TTLL5: variants seen among roughly 807,000 people sequenced by gnomAD.
The protein encoded by TTLL5 is tubulin tyrosine ligase like 5.
TTLL5 carries 132 observed loss-of-function variants against 168.4 expected under a neutral mutation model. The ratio of observed to expected loss-of-function variants is 0.78; its 90% confidence interval spans 0.68 to 0.91. The LOEUF (loss-of-function observed/expected upper bound fraction) is 0.91, where lower values mean the gene tolerates loss of function less well. TTLL5 is among the 40% of genes least tolerant of loss of function. The pLI is 0.00. For missense variants in TTLL5, 1,545 were observed against 1,581.5 expected (o/e 0.98, Z 0.39); for synonymous variants, 546 against 558.6 (o/e 0.98, Z 0.32).
chr14:75,745,587 G>T lies in TTLL5; in HGVS notation c.1487+6G>T. 1 of 1,611,838 alleles carries T rather than the reference G, an allele frequency of 6.2e-7. No homozygotes were observed. The highest frequency in any genetic ancestry group is 8.5e-7 in the Non-Finnish European group (1 of 1,178,954). ...GAGACATGGGAAATATATGGGTGAG[G>T]TGACTACCTTTTTTTTTTATTCTTT... On this transcript the variant is annotated splice_donor_region_variant and intron_variant, in intron 17 of 31. Transcript: ENST00000298832.
intron 31 of TTLL5, among the ~76,000 whole-genome samples, chr14:75,951,765 A>G (rs574499376): frequency 6.6e-6 from 1 of 152,342 alleles, no homozygotes; most frequent in Admixed American, 6.5e-5. Flanking sequence ...CCCTGTCTCA[A>G]AAAACCATAG....
At chr14:75,913,156 A>G (rs1424132007) in intron 31 of TTLL5, among the ~76,000 whole-genome samples, 1 of 152,208 alleles carries the variant, frequency 6.6e-6, no homozygotes, top group Non-Finnish European at 1.5e-5. Flanking sequence ...CAGAGGTAAC[A>G]TCTTCTGAAA....
chr14:75,831,315 G>A (rs945467630), intron 28 of TTLL5, among the ~76,000 whole-genome samples: 1 of 152,198 alleles, frequency 6.6e-6, no homozygotes, highest in Non-Finnish European at 1.5e-5. Context: ...GGTCCTGGAA[G>A]GGGAATATTC....
chr14:75,844,146 G>T (rs1285026280), intron 28 of TTLL5, among the ~76,000 whole-genome samples: 1 of 152,088 alleles, frequency 6.6e-6, no homozygotes, highest in Non-Finnish European at 1.5e-5. Context: ...CTCCCAAAGT[G>T]CTGGGATTAC....
At chr14:75,921,756 C>A (rs1445539323) in intron 31 of TTLL5, among the ~76,000 whole-genome samples, 1 of 152,226 alleles carries the variant, frequency 6.6e-6, no homozygotes, top group African/African-American at 2.4e-5. Context: ...TTTTCCAATT[C>A]TGTGAAGAAA....
intron 22 of TTLL5, 122 bp from the exon 23 acceptor site, chr14:75,776,625 T>C: frequency 1.7e-6 from 1 of 576,844 alleles, no homozygotes; most frequent in Non-Finnish European, 2.9e-6. Context: ...CATACAAGAA[T>C]TAAATGTCTT....
At chr14:75,723,185 G>A (rs1275443048) in intron 12 of TTLL5, among the ~76,000 whole-genome samples, 1 of 152,050 alleles carries the variant, frequency 6.6e-6, no homozygotes, top group African/African-American at 2.4e-5. Context: ...GAACTCCTGG[G>A]CCCAAAGGAT....
intron 14 of TTLL5, 43 bp from the exon 15 acceptor site, chr14:75,735,152 C>T (rs1888801915): frequency 5.6e-6 from 9 of 1,593,134 alleles, no homozygotes; most frequent in Non-Finnish European, 6.9e-6. Flanking sequence ...CTGCTAATTT[C>T]TTAGAAAATG....
rs530653892 is a variant in TTLL5, at chr14:75,683,618, C to T, written c.333C>T (p.Arg111=). ...TGSHLKPFLL[R]TLSEAQKVNH... is the part of the protein sequence containing the mutation. The stretch of plus-strand genomic sequence containing the variant: ...CCCACCTGAAGCCCTTCTTACTGCG[C>T]ACCCTCTCTGAAGCACAAAAAGTTA... The change falls in exon 5 of 32, where the codon CGC becomes CGT. Residue 111 remains arginine (R), a synonymous_variant. Transcript: ENST00000298832. The T allele has an allele frequency of 6.8e-6, 11 of 1,614,060 alleles. No homozygotes were observed. The East Asian group carries it at 1.3e-4, about 20-fold the overall frequency.
chr14:75,855,871 C>T (rs1358819776), intron 28 of TTLL5, among the ~76,000 whole-genome samples: 1 of 152,156 alleles, frequency 6.6e-6, no homozygotes. Context: ...ATATCATTCA[C>T]AATATCCAGG....
chr14:75,748,659 G>A (rs1304454971), intron 17 of TTLL5, among the ~76,000 whole-genome samples: 1 of 152,174 alleles, frequency 6.6e-6, no homozygotes, highest in African/African-American at 2.4e-5. Context: ...AGCTTTAAAA[G>A]GTAATGCTTT....
chr14:75,695,649 A>G (rs1885784286), intron 6 of TTLL5, among the ~76,000 whole-genome samples: 1 of 152,138 alleles, frequency 6.6e-6, no homozygotes. Context: ...TTTATTTCTC[A>G]GACCGGCCAA....
At chr14:75,725,464 C>T (rs1163563465) in intron 12 of TTLL5, among the ~76,000 whole-genome samples, 1 of 152,162 alleles carries the variant, frequency 6.6e-6, no homozygotes, top group Non-Finnish European at 1.5e-5. Flanking sequence ...AATTTGGTTT[C>T]ACTGGTTATT....
chr14:75,822,913 C>T (rs925864026), intron 28 of TTLL5, among the ~76,000 whole-genome samples: 2 of 152,292 alleles, frequency 1.3e-5, no homozygotes, highest in African/African-American at 2.4e-5. Flanking sequence ...TGAGGCCTGG[C>T]CATGTAGCTT....
At chr14:75,667,888 G>A (rs1274664600) in intron 2 of TTLL5, among the ~76,000 whole-genome samples, 3 of 151,212 alleles carry the variant, frequency 2.0e-5, no homozygotes, top group Non-Finnish European at 2.9e-5. Flanking sequence ...AGCCTCCCGA[G>A]TAGCTGGGAC....
At chr14:75,858,451 G>T (rs539808191) in intron 28 of TTLL5, among the ~76,000 whole-genome samples, 24 of 152,188 alleles carry the variant, frequency 1.6e-4, no homozygotes, top group Non-Finnish European at 3.4e-4. Flanking sequence ...GACAAAATGA[G>T]ATGTACACAT....
rs766847101 is a variant in TTLL5, at chr14:75,745,101, C to G, written c.1288C>G (p.Arg430Gly). The G allele has an allele frequency of 9.9e-6, 16 of 1,613,512 alleles. No individual in the cohort carries two copies. In the Admixed American group the frequency reaches 2.5e-4, roughly 25 times the overall value. ...RNPFQKPQRC[R>G]PLSASDAEMK... ...TTCATTTTCTTCTCCTTAGCGTTGC[C>G]GTCCACTCTCTGCCAGTGATGCGGA... The change falls in exon 16 of 32, where the codon CGT becomes GGT. Residue 430 changes from arginine to glycine, a missense_variant. Arg to Gly is a moderately radical substitution (Grantham distance 125). Transcript: ENST00000298832.
intron 14 of TTLL5, among the ~76,000 whole-genome samples, 160 bp downstream of exon 14, chr14:75,734,210 G>A (rs1888741246): frequency 1.3e-5 from 2 of 152,142 alleles, no homozygotes; most frequent in South Asian, 2.1e-4. Context: ...ATGTTTCTAC[G>A]ACACTTGGCT....
At chr14:75,692,870 G>A (rs1885559501) in intron 6 of TTLL5, among the ~76,000 whole-genome samples, 1 of 152,178 alleles carries the variant, frequency 6.6e-6, no homozygotes, top group African/African-American at 2.4e-5. Context: ...CAGGTAGTGT[G>A]TTTTGCAGGT....
Sources: gnomAD v4.1 joint callset for allele counts (sites outside exome capture counted in the v4.1 genomes callset) on GRCh38, gnomAD v4.1.1 for gene constraint, MANE v1.5 for transcripts, NCBI Gene and HGNC (gene_info 2026-07-23, HGNC 2026-07-21) for gene names.